PTPRT: variants seen among roughly 807,000 people sequenced by gnomAD.
PTPRT encodes protein tyrosine phosphatase receptor type T, also known as receptor-type tyrosine-protein phosphatase T.
PTPRT carries 56 observed loss-of-function variants against 176.8 expected under a neutral mutation model. The ratio of observed to expected loss-of-function variants is 0.32; its 90% confidence interval spans 0.26 to 0.40. The LOEUF (loss-of-function observed/expected upper bound fraction) is 0.40. Ranked by LOEUF, PTPRT falls within the 10% of genes least tolerant of loss-of-function variation. The probability of loss-of-function intolerance (pLI) is 1.00; values close to 1 mark genes in which losing one functional copy is unlikely to be tolerated. For synonymous variants in PTPRT, 783 were observed against 739.0 expected (o/e 1.06, Z -0.96); for missense variants, 1,540 against 1,908.2 (o/e 0.81, Z 3.60).
chr20:43,159,814 T>G (rs1600759090), intron 1 of PTPRT, among the ~76,000 whole-genome samples: 2 of 152,114 alleles, frequency 1.3e-5, no homozygotes, highest in African/African-American at 4.8e-5. Flanking sequence ...GTATGCTTCA[T>G]GTCTGTGGTC....
chr20:43,090,313 GC>G (rs1168135621), intron 1 of PTPRT, among the ~76,000 whole-genome samples: 1 of 151,408 alleles, frequency 6.6e-6, no homozygotes, highest in Non-Finnish European at 1.5e-5. Context: ...TGTCGCCCAG[GC>G]TGGAGTGCAG....
Position 42,837,394 on chromosome 20 carries a change from A to T in PTPRT, c.215-45928T>A, listed in dbSNP as rs559641154. Among the ~76,000 whole-genome samples, 17 of 152,288 alleles carry T rather than the reference A, an allele frequency of 1.1e-4. 1 individual carries two copies. In the South Asian group the frequency reaches 3.3e-3, roughly 30 times the overall value. On this transcript the variant is annotated intron_variant, in intron 2 of 30. Coordinates refer to ENST00000373187, the MANE Select transcript of PTPRT (RefSeq NM_007050.6). ...TCCGCCACCCCTCAGCACACTTACC[A>T]GGCTATCATCCTATTGTGACACCTG...
chr20:43,099,466 T>G lies in PTPRT; in HGVS notation c.88+90180A>C, dbSNP rs191745616. 2.5e-3 allele frequency among the ~76,000 whole-genome samples: 378 copies of G among 152,200 alleles called. 1 individual carries two copies. The highest frequency in any genetic ancestry group is 6.8e-3 in the Middle Eastern group (2 of 294). On this transcript the variant is annotated intron_variant, in intron 1 of 30. Transcript: ENST00000373187. Reference sequence around the variant, plus strand: ...TCTGGGCTAATGCTCTTCAAGGCCTTTTTCCTCCTTGCTCTGAGCTTACTT... The same window carrying G: ...TCTGGGCTAATGCTCTTCAAGGCCTGTTTCCTCCTTGCTCTGAGCTTACTT...
intron 1 of PTPRT, among the ~76,000 whole-genome samples, chr20:42,926,281 C>G (rs1244604988): frequency 1.3e-5 from 2 of 152,250 alleles, no homozygotes; most frequent in African/African-American, 2.4e-5. Context: ...CTCTCCTGTT[C>G]TCCATCCTGG....
chr20:43,041,192 C>T (rs900134085), intron 1 of PTPRT, among the ~76,000 whole-genome samples: 1 of 152,192 alleles, frequency 6.6e-6, no homozygotes, highest in Non-Finnish European at 1.5e-5. Flanking sequence ...AGACCTGCAG[C>T]TAGAATGTGC....
chr20:42,373,649 C>T (rs375659037), intron 9 of PTPRT, among the ~76,000 whole-genome samples: 5 of 152,292 alleles, frequency 3.3e-5, no homozygotes, highest in South Asian at 2.1e-4. Context: ...CATATAGAGG[C>T]GTCTCATTCG....
At chr20:42,292,941 A>G (rs2057338976) in intron 12 of PTPRT, among the ~76,000 whole-genome samples, 1 of 152,206 alleles carries the variant, frequency 6.6e-6, no homozygotes, top group Non-Finnish European at 1.5e-5. Flanking sequence ...GAAAGCACGT[A>G]TGCTGGATTC....
chr20:42,287,657 T>C (rs1458913793), intron 12 of PTPRT, among the ~76,000 whole-genome samples: 1 of 151,918 alleles, frequency 6.6e-6, no homozygotes, highest in Non-Finnish European at 1.5e-5. Context: ...TAGTGTTCTG[T>C]AGCCCTGTAG....
chr20:42,731,640 G>T (rs1039619007), intron 6 of PTPRT, among the ~76,000 whole-genome samples: 2 of 152,204 alleles, frequency 1.3e-5, no homozygotes, highest in African/African-American at 4.8e-5. Context: ...GGAGCTAACA[G>T]CTAGGAGACA....
rs2057977860 is a variant in PTPRT at position 42,332,335 on chromosome 20, G to A, written c.1866-16339C>T. ...CGCCATTCTCCTGCCTCAGCCTCCC[G>A]AGTAGCTGAGACTACAGGTGCCCAC... On this transcript the variant is annotated intron_variant, in intron 11 of 30. Coordinates refer to ENST00000373187, the MANE Select transcript of PTPRT (RefSeq NM_007050.6). Among the ~76,000 whole-genome samples, 5 of 152,012 alleles carry A rather than the reference G, an allele frequency of 3.3e-5. No individual in the cohort carries two copies. In the South Asian group the frequency reaches 1.0e-3, roughly 32 times the overall value.
chr20:42,859,506 C>G (rs1215291229), intron 2 of PTPRT, among the ~76,000 whole-genome samples: 1 of 151,562 alleles, frequency 6.6e-6, no homozygotes, highest in African/African-American at 2.4e-5. Context: ...TTTAAAACCT[C>G]TTTACATGTT....
At chr20:42,204,699 A>T (rs1205707279) in intron 15 of PTPRT, among the ~76,000 whole-genome samples, 1 of 152,038 alleles carries the variant, frequency 6.6e-6, no homozygotes, top group Admixed American at 6.6e-5. Context: ...GTGGCAGGGG[A>T]TGGGCCCAGG....
intron 1 of PTPRT, among the ~76,000 whole-genome samples, chr20:43,102,321 T>C (rs80216718): frequency 0.029 from 2,457 of 83,936 alleles, 38 homozygotes; most frequent in East Asian, 0.073. Context: ...CACACACACA[T>C]ACACTTCCTA....
intron 12 of PTPRT, among the ~76,000 whole-genome samples, chr20:42,283,024 T>G (rs965877992): frequency 1.3e-5 from 2 of 152,150 alleles, no homozygotes; most frequent in African/African-American, 4.8e-5. Context: ...ACTGCAAAGT[T>G]CATGTTCAAA....
chr20:42,878,510 T>C (rs2078968922), intron 2 of PTPRT, among the ~76,000 whole-genome samples: 1 of 152,208 alleles, frequency 6.6e-6, no homozygotes, highest in Non-Finnish European at 1.5e-5. Context: ...GTCTGCAATA[T>C]ATATTTCTCT....
chr20:42,958,106 G>T (rs74514311), intron 1 of PTPRT, among the ~76,000 whole-genome samples: 1,855 of 142,644 alleles, frequency 0.013, 22 homozygotes, highest in Non-Finnish European at 0.019. Flanking sequence ...ATGCTTGCTT[G>T]CAGGGGTGAG....
At chr20:42,035,463 AT>A in the PTPRT span, among the ~76,000 whole-genome samples, 1 of 152,052 alleles carries the variant, frequency 6.6e-6, no homozygotes, top group African/African-American at 2.4e-5. Context: ...AATATCTAAC[AT>A]TTCTGGCAAT....
At chr20:42,791,142 T>G (rs1206118540) in intron 3 of PTPRT, 53 bp downstream of exon 3, 1 of 1,527,140 alleles carries the variant, frequency 6.5e-7, no homozygotes, top group Non-Finnish European at 8.8e-7. Context: ...AGAGCAAAGG[T>G]GTATAGATTT....
At chr20:42,534,199 C>A (rs1305568985) in intron 7 of PTPRT, among the ~76,000 whole-genome samples, 1 of 152,198 alleles carries the variant, frequency 6.6e-6, no homozygotes, top group Non-Finnish European at 1.5e-5. Context: ...GGCATTTGAG[C>A]CTGACATTGC....
Sources: allele counts gnomAD v4.1 joint callset (sites outside exome capture counted in the v4.1 genomes callset), GRCh38; gene constraint gnomAD v4.1.1; transcripts MANE v1.5; gene names NCBI Gene and HGNC (gene_info 2026-07-23, HGNC 2026-07-21).